The following MYOM2 variants were observed in gnomAD, a reference collection of about 807,000 sequenced individuals.
The protein encoded by MYOM2 is myomesin 2.
MYOM2 carries 254 observed loss-of-function variants against 187.6 expected under a neutral mutation model. That is an observed-to-expected ratio of 1.35 (90% CI 1.22 to 1.50). The LOEUF is 1.50. Ranked by LOEUF, MYOM2 falls within the 40% of genes most tolerant of loss-of-function variation. The pLI, the probability that MYOM2 is intolerant of heterozygous loss-of-function variation, is 0.00. For missense variants in MYOM2, 2,796 were observed against 1,924.0 expected, an observed-to-expected ratio of 1.45 and a Z score of -8.48; for synonymous variants, 981 against 753.8, an observed-to-expected ratio of 1.30 and a Z score of -4.94.
At position 2,140,759 on chromosome 8, in the gene MYOM2, CGGG is replaced by C. The variant is rs1276264853; in HGVS notation, c.3841_3843del (p.Gly1281del). ...TCTCATCCAGTGAGCATATGAGAAT[CGGG>C]GGGAGTGAAGAGATGGCTTGGCTGC... On this transcript the variant is annotated inframe_deletion, in exon 33 of 37. Coordinates refer to ENST00000262113, the MANE Select transcript of MYOM2 (RefSeq NM_003970.4). 6.2e-7 allele frequency: 1 copy of C among 1,613,948 alleles called. No homozygotes were observed. The highest frequency in any genetic ancestry group is 8.5e-7 in the Non-Finnish European group (1 of 1,179,942).
intron 3 of MYOM2, among the ~76,000 whole-genome samples, chr8:2,056,376 G>A (rs1818664051): frequency 6.6e-6 from 1 of 152,158 alleles, no homozygotes. Context: ...GGAACGCGAT[G>A]GTGAGGGAGG....
rs1028837977 is a variant in MYOM2 at position 2,101,070 on chromosome 8, C to T, written c.2619+16C>T. The stretch of plus-strand genomic sequence containing the variant: ...TTATTTAAAGGTAAGTCTTGGCCGG[C>T]TGTGGTGGCTCATGCCTGTAATCCC... On this transcript the variant is annotated intron_variant, in intron 20 of 36. Coordinates refer to ENST00000262113, the MANE Select transcript of MYOM2 (RefSeq NM_003970.4). The T allele has an allele frequency of 6.2e-7, 1 of 1,612,542 alleles. No homozygotes were observed. Among genetic ancestry groups the T allele is most frequent in the African/African-American group, 1.3e-5 (1 of 74,990 alleles).
chr8:2,092,381 C>G lies in MYOM2; in HGVS notation c.1864C>G (p.Arg622Gly), dbSNP rs200806191. ...TGCTCCGGGTCGGGTTCTTGCTTCC[C>G]GAAACACCAAGACGTCGGTGGTGGT... is the stretch of plus-strand genomic sequence containing the variant. ...PSAPGRVLAS[R>G]NTKTSVVVQW... The change falls in exon 16 of 37, where the codon CGA becomes GGA. Residue 622 changes from arginine to glycine, a missense_variant. Arg to Gly is a moderately radical substitution (Grantham distance 125). Coordinates refer to ENST00000262113, the MANE Select transcript of MYOM2 (RefSeq NM_003970.4). 3.1e-5 allele frequency: 50 copies of G among 1,613,966 alleles called. No homozygotes were observed. The highest frequency in any genetic ancestry group is 3.6e-5 in the Non-Finnish European group (43 of 1,180,020).
At chr8:2,099,728 C>G (rs999341367) in intron 19 of MYOM2, among the ~76,000 whole-genome samples, 1 of 152,220 alleles carries the variant, frequency 6.6e-6, no homozygotes, top group African/African-American at 2.4e-5. Flanking sequence ...CTAACATTTT[C>G]TCTCTGTTTT....
chr8:2,061,638 C>T (rs190582085), intron 6 of MYOM2, among the ~76,000 whole-genome samples: 55 of 152,156 alleles, frequency 3.6e-4, no homozygotes, highest in Non-Finnish European at 6.8e-4. Context: ...TTCCTCCTCC[C>T]AGGAGCCTGC....
chr8:2,096,415 G>A lies in MYOM2; in HGVS notation c.2294G>A (p.Ser765Asn), dbSNP rs148330330. The change falls in exon 18 of 37, where the codon AGC becomes AAC. Residue 765 changes from serine to asparagine, a missense_variant. By Grantham distance (46) the Ser-to-Asn change is conservative. Transcript: ENST00000262113. ...KNWHEVNSSP[S>N]KPTILTVDGL... ...TGGCACGAGGTCAATTCCTCACCCAGCAAACCGACAATCCTAACGGTCAGT... is the reference window on the plus strand; with the variant it reads ...TGGCACGAGGTCAATTCCTCACCCAACAAACCGACAATCCTAACGGTCAGT... 25 of 1,614,182 alleles carry A rather than the reference G, an allele frequency of 1.5e-5. No homozygotes were observed. In the East Asian group the frequency reaches 5.3e-4, roughly 35 times the overall value.
intron 11 of MYOM2, among the ~76,000 whole-genome samples, chr8:2,077,589 CT>C (rs1819477795): frequency 6.6e-6 from 1 of 152,140 alleles, no homozygotes; most frequent in Non-Finnish European, 1.5e-5. Flanking sequence ...CTGTTCCGGG[CT>C]TACCTTGAAT....
chr8:2,103,998 C>A (rs902564512), intron 21 of MYOM2, among the ~76,000 whole-genome samples: 2 of 152,174 alleles, frequency 1.3e-5, no homozygotes, highest in African/African-American at 4.8e-5. Flanking sequence ...GCAATTAAAT[C>A]TCTGCCTGTG....
intron 8 of MYOM2, among the ~76,000 whole-genome samples, chr8:2,071,899 C>G (rs1383344220): frequency 6.6e-6 from 1 of 152,134 alleles, no homozygotes; most frequent in Admixed American, 6.5e-5. Flanking sequence ...CAAGGGCGCT[C>G]ATTCTCCCCT....
At chr8:2,123,673 A>C in intron 30 of MYOM2, 31 bp downstream of exon 30, 1 of 1,588,554 alleles carries the variant, frequency 6.3e-7, no homozygotes, top group Non-Finnish European at 8.6e-7. Context: ...TTCTGTGAAC[A>C]AGAAATTCCT....
chr8:2,129,921 C>T (rs1270790086), intron 32 of MYOM2, among the ~76,000 whole-genome samples: 1 of 152,200 alleles, frequency 6.6e-6, no homozygotes, highest in Non-Finnish European at 1.5e-5. Context: ...CTATAGATAT[C>T]ACCGCAGATA....
intron 32 of MYOM2, among the ~76,000 whole-genome samples, chr8:2,132,574 T>C (rs1797912733): frequency 1.4e-5 from 2 of 144,928 alleles, no homozygotes; most frequent in South Asian, 4.5e-4. Context: ...GAAATTGCAG[T>C]CTCTCTTTCT....
chr8:2,134,750 C>T (rs537242426), intron 32 of MYOM2, among the ~76,000 whole-genome samples: 6 of 152,284 alleles, frequency 3.9e-5, no homozygotes, highest in East Asian at 3.9e-4. Flanking sequence ...GAGCTCCTTC[C>T]GGTTGTCGCC....
intron 17 of MYOM2, 90 bp downstream of exon 17, chr8:2,094,181 C>T (rs1796403505): frequency 2.0e-6 from 3 of 1,501,948 alleles, no homozygotes; most frequent in East Asian, 2.4e-5. Context: ...TTTGGAATGT[C>T]ATTGAAGGGG....
chr8:2,120,680 T>TAATA lies in MYOM2; in HGVS notation c.3454-2572_3454-2571insAATA. Among the ~76,000 whole-genome samples the TAATA allele has an allele frequency of 5.0e-3, 239 of 48,276 alleles. 43 individuals are homozygous for TAATA. The East Asian group carries it at 0.061, about 12-fold the overall frequency. 31.7% of individuals were successfully genotyped at this position (48,276 alleles called of 152,430 possible). On this transcript the variant is annotated intron_variant, in intron 28 of 36. Coordinates refer to ENST00000262113, the MANE Select transcript of MYOM2 (RefSeq NM_003970.4). ...CCTGTATATATATATATATATTATA[T>TAATA]TATATATAAATATATAATATATATA...
chr8:2,089,122 C>T (rs895808791), intron 14 of MYOM2, among the ~76,000 whole-genome samples: 4 of 136,594 alleles, frequency 2.9e-5, no homozygotes, highest in African/African-American at 1.0e-4. Context: ...TCTGAATTTT[C>T]AGCAGGCTTA....
At chr8:2,132,023 C>G (rs1797891541) in intron 32 of MYOM2, among the ~76,000 whole-genome samples, 2 of 152,118 alleles carry the variant, frequency 1.3e-5, no homozygotes, top group Non-Finnish European at 2.9e-5. Flanking sequence ...CAACATGAAA[C>G]TATATTAGGT....
In MYOM2 at chr8:2,145,179, A is replaced by G. The variant is rs1402110013; in HGVS notation, c.*198A>G. 6.3e-6 allele frequency: 4 copies of G among 629,972 alleles called. No homozygotes were observed. Among genetic ancestry groups the G allele is most frequent in the Non-Finnish European group, 5.4e-6 (2 of 369,738 alleles). 39.0% of individuals were successfully genotyped at this position (629,972 alleles called of 1,614,324 possible). A position where few individuals can be genotyped will look rare whatever the true frequency, so the allele number is the denominator to read the frequency against. ...AAGGGAGAAAGCTAATGTTTTCCAC[A>G]AGACTGAACAACGTGTATTTACACG... is the stretch of plus-strand genomic sequence containing the variant. On this transcript the variant is annotated 3_prime_UTR_variant, in exon 37 of 37. Coordinates refer to ENST00000262113, the MANE Select transcript of MYOM2 (RefSeq NM_003970.4).
chr8:2,066,797 G>A (rs1316030010), intron 6 of MYOM2, among the ~76,000 whole-genome samples: 1 of 152,214 alleles, frequency 6.6e-6, no homozygotes, highest in Non-Finnish European at 1.5e-5. Context: ...GGGTTTTTAT[G>A]TGTTTTACAC....
Sources: allele counts gnomAD v4.1 joint callset (sites outside exome capture counted in the v4.1 genomes callset), GRCh38; gene constraint gnomAD v4.1.1; transcripts MANE v1.5; gene names NCBI Gene and HGNC (gene_info 2026-07-23, HGNC 2026-07-21).